Variants in SLU7 observed in about 807,000 individuals in gnomAD.
SLU7 encodes the protein spliceosome associated SLU7, also known as pre-mRNA-splicing factor SLU7.
SLU7 carries 60 observed loss-of-function variants against 87.0 expected under a neutral mutation model. The ratio of observed to expected loss-of-function variants is 0.69; its 90% CI spans 0.56 to 0.86. SLU7 has a LOEUF of 0.86. Ranked by LOEUF, SLU7 falls within the 40% of genes least tolerant of loss-of-function variation. The pLI is 0.00. For missense variants in SLU7, 507 were observed against 686.6 expected, an observed-to-expected ratio of 0.74 and a Z score of 2.92; for synonymous variants, 197 against 222.0, an observed-to-expected ratio of 0.89 and a Z score of 1.00.
chr5:160,407,427 TA>T lies in SLU7; in HGVS notation c.1125+48del. The T allele has an allele frequency of 6.5e-7, 1 of 1,536,700 alleles. No homozygotes were observed. On this transcript the variant is annotated intron_variant, in intron 11 of 15. Transcript: ENST00000297151. This position sits in a 1 kb window ranked among gnomAD's most constrained non-coding sequence, Gnocchi z 4.2. The stretch of plus-strand genomic sequence containing the variant: ...TGTAAAACTAACGCTTATTAACTAG[TA>T]ACTTCTCTTTAACAGAAGTTCTTCT...
chr5:160,414,180 G>A, intron 3 of SLU7, 139 bp downstream of exon 3: 1 of 753,162 alleles, frequency 1.3e-6, no homozygotes, highest in Non-Finnish European at 2.1e-6. Context: ...AGATAAAATA[G>A]TAATGCACTG....
Position 160,415,399 on chromosome 5 carries a change from T to C in SLU7, c.-16-89A>G. 6.2e-6 allele frequency: 6 copies of C among 964,018 alleles called. No individual in the cohort carries two copies. The South Asian group carries it at 1.4e-4, about 23-fold the overall frequency. 59.7% of individuals were successfully genotyped at this position (964,018 alleles called of 1,614,324 possible). On this transcript the variant is annotated intron_variant, in intron 1 of 15. Transcript: ENST00000297151. ...AAATACATCCTAATAATATATACTG[T>C]TTCATATGTTTTTTTTTCTCCTATA...
chr5:160,411,381 G>A (rs1765229027), intron 6 of SLU7, among the ~76,000 whole-genome samples: 1 of 151,902 alleles, frequency 6.6e-6, no homozygotes, highest in Admixed American at 6.6e-5. Flanking sequence ...ACCACACCCA[G>A]CTAATTTTTG....
chr5:160,408,121 T>C, intron 8 of SLU7, 53 bp from the exon 9 acceptor site: 2 of 1,336,792 alleles, frequency 1.5e-6, no homozygotes, highest in South Asian at 2.4e-5. Flanking sequence ...CAAAAAGATT[T>C]CAGCAGACTA....
At chr5:160,412,813 T>A (rs1003266736) in intron 5 of SLU7, among the ~76,000 whole-genome samples, 1 of 152,042 alleles carries the variant, frequency 6.6e-6, no homozygotes, top group Admixed American at 6.6e-5. Context: ...AAACAAGCAG[T>A]TGCCACAGAA....
Position 160,402,912 on chromosome 5 carries a change from G to A in SLU7, c.*373C>T, listed in dbSNP as rs1764841842. On this transcript the variant is annotated 3_prime_UTR_variant, in exon 16 of 16. Coordinates refer to ENST00000297151, the MANE Select transcript of SLU7 (RefSeq NM_006425.5). ...CGCCTGTAGTCCCAACTACTAGGGAGGCTGAGGCAGGAGAATGGCGTGAAC... is the reference window on the plus strand; with the variant it reads ...CGCCTGTAGTCCCAACTACTAGGGAAGCTGAGGCAGGAGAATGGCGTGAAC... 1 of 153,140 alleles carries A rather than the reference G, an allele frequency of 6.5e-6. No homozygotes were observed. The highest frequency in any genetic ancestry group is 1.5e-5 in the Non-Finnish European group (1 of 68,776). The allele number at this position is 153,140 out of a possible 1,614,324, so 9.5% of individuals were successfully genotyped here.
At chr5:160,404,181 T>G (rs1764901123) in intron 15 of SLU7, among the ~76,000 whole-genome samples, 1 of 152,142 alleles carries the variant, frequency 6.6e-6, no homozygotes, top group African/African-American at 2.4e-5. Flanking sequence ...CTGGGCAACA[T>G]GGTGAAATCC....
At chr5:160,406,165 ATG>A (rs1343861225) in intron 12 of SLU7, among the ~76,000 whole-genome samples, 1 of 152,226 alleles carries the variant, frequency 6.6e-6, no homozygotes, top group African/African-American at 2.4e-5. Flanking sequence ...CATAAACTAT[ATG>A]TGTGTATATA....
At position 160,404,848 on chromosome 5, in the gene SLU7, A is replaced by G; in HGVS notation, c.1425T>C (p.Thr475=). The change falls in exon 14 of 16, where the codon ACT becomes ACC. Residue 475 remains threonine (T), a synonymous_variant. Coordinates refer to ENST00000297151, the MANE Select transcript of SLU7 (RefSeq NM_006425.5). ...NSEECIINEI[T]GEESVKKPQT... is the part of the protein sequence containing the mutation. ...GAGGTTTTTTCACAGATTCTTCCCC[A>G]GTTATCTCATTTATAATACACTCCT... is the stretch of plus-strand genomic sequence containing the variant. 5 of 1,611,108 alleles carry G rather than the reference A, an allele frequency of 3.1e-6. No homozygotes were observed. The highest frequency in any genetic ancestry group is 4.2e-6 in the Non-Finnish European group (5 of 1,177,296).
intron 3 of SLU7, 152 bp downstream of exon 3, chr5:160,414,167 C>T (rs1171643863): frequency 1.5e-5 from 11 of 738,800 alleles, no homozygotes; most frequent in Non-Finnish European, 2.4e-5. Flanking sequence ...ATAAGAAACA[C>T]AAAGATAAAA....
rs756918955 is a variant in SLU7, at chr5:160,408,410, A to G, written c.738T>C (p.Asp246=). ...CAAAATTCTGTCCAGGCATGTCAAT[A>G]TCATCTGCATATTTATCTTCATCCT... The part of the protein sequence containing the change: ...EDEDEDKYAD[D]IDMPGQNFDS... The change falls in exon 8 of 16, where the codon GAT becomes GAC. Residue 246 remains aspartate, a synonymous_variant. Coordinates refer to ENST00000297151, the MANE Select transcript of SLU7 (RefSeq NM_006425.5). 1.2e-6 allele frequency: 2 copies of G among 1,610,358 alleles called. No individual in the cohort carries two copies. Among genetic ancestry groups the G allele is most frequent in the Non-Finnish European group, 1.7e-6 (2 of 1,177,902 alleles).
At chr5:160,406,250 T>C (rs1254443236) in intron 12 of SLU7, 9 of 387,234 alleles carry the variant, frequency 2.3e-5, no homozygotes, top group Admixed American at 4.3e-5. Flanking sequence ...TAAGGCAATA[T>C]GTTAAAAATT....
Position 160,413,950 on chromosome 5 carries a change from T to G in SLU7, c.354A>C (p.Gly118=). 1 of 1,597,914 alleles carries G rather than the reference T, an allele frequency of 6.3e-7. No homozygotes were observed. Among genetic ancestry groups the G allele is most frequent in the Non-Finnish European group, 8.5e-7 (1 of 1,172,794 alleles). ...TCATGGCCCCACAATTTTCACATGCTCCTTTGCGGTACTTAGTAATTATGG... is the reference window on the plus strand; with the variant it reads ...TCATGGCCCCACAATTTTCACATGCGCCTTTGCGGTACTTAGTAATTATGG... ...ENSIITKYRK[G]ACENCGAMTH... The change falls in exon 4 of 16, where the codon GGA becomes GGC. Residue 118 remains glycine (G), a synonymous_variant. Coordinates refer to ENST00000297151, the MANE Select transcript of SLU7 (RefSeq NM_006425.5).
chr5:160,411,339 C>G (rs1765227216), intron 6 of SLU7, among the ~76,000 whole-genome samples: 1 of 152,082 alleles, frequency 6.6e-6, no homozygotes, highest in East Asian at 1.9e-4. Context: ...TCAAGCGATT[C>G]TCCCGAGTAG....
rs374493678 is a variant in SLU7, at chr5:160,417,998, C to T, written c.-17+1025G>A. Among the ~76,000 whole-genome samples, 3 of 152,126 alleles carry T rather than the reference C, an allele frequency of 2.0e-5. No individual in the cohort carries two copies. In the East Asian group the frequency reaches 5.8e-4, roughly 29 times the overall value. Reference sequence around the variant, plus strand: ...TCTAGTTCCTCTAACAAACCGTGCTCCCTGTAGACACTGGGCCTTTACACA... The same window carrying T: ...TCTAGTTCCTCTAACAAACCGTGCTTCCTGTAGACACTGGGCCTTTACACA... On this transcript the variant is annotated intron_variant, in intron 1 of 15. Coordinates refer to ENST00000297151, the MANE Select transcript of SLU7 (RefSeq NM_006425.5).
chr5:160,414,315 A>G lies in SLU7; in HGVS notation c.324+4T>C. The G allele has an allele frequency of 6.3e-7, 1 of 1,592,910 alleles. No homozygotes were observed. ...ATGAAGATGTATACAGGTTGCCTAC[A>G]TACCTCTTTTACACCCCTCTTGTAC... On this transcript the variant is annotated splice_donor_region_variant and intron_variant, in intron 3 of 15. Coordinates refer to ENST00000297151, the MANE Select transcript of SLU7 (RefSeq NM_006425.5).
At chr5:160,403,746 T>C (rs1764885300) in intron 15 of SLU7, among the ~76,000 whole-genome samples, 1 of 152,224 alleles carries the variant, frequency 6.6e-6, no homozygotes, top group African/African-American at 2.4e-5. Context: ...TCACTTTACT[T>C]ATACAAGCTC....
chr5:160,415,345 G>C (rs768165830), intron 1 of SLU7, 35 bp from the exon 2 acceptor site: 1 of 1,474,198 alleles, frequency 6.8e-7, no homozygotes, highest in South Asian at 1.4e-5. Context: ...GTAAAAAGTA[G>C]GCCTTCATGA....
At chr5:160,414,264 AT>A in intron 3 of SLU7, 54 bp downstream of exon 3, 1 of 1,395,556 alleles carries the variant, frequency 7.2e-7, no homozygotes, top group Non-Finnish European at 9.6e-7. Context: ...AAATTCTTAC[AT>A]TAAGTTCTTA....
Sources: gnomAD v4.1 joint callset for allele counts (sites outside exome capture counted in the v4.1 genomes callset) on GRCh38, gnomAD v4.1.1 for gene constraint, Gnocchi (gnomAD v3.1) non-coding constraint, MANE v1.5 for transcripts, NCBI Gene and HGNC (gene_info 2026-07-23, HGNC 2026-07-21) for gene names.